Variants in PTGFRN observed in about 807,000 individuals in gnomAD.
The protein encoded by PTGFRN is prostaglandin F2 receptor inhibitor, also known as prostaglandin F2 receptor negative regulator.
A neutral mutation model predicts 83.2 loss-of-function variants in PTGFRN; 35 were observed. The observed-to-expected ratio is 0.42, with a 90% CI of 0.32 to 0.56. The LOEUF (loss-of-function observed/expected upper bound fraction) is 0.56, where lower values mean the gene tolerates loss of function less well. Among genes scored for constraint, PTGFRN ranks in the 20% least tolerant of loss-of-function variants. The probability of loss-of-function intolerance (pLI) is 0.11; values close to 1 mark genes in which losing one functional copy is unlikely to be tolerated. For synonymous variants in PTGFRN, 519 were observed against 498.6 expected (o/e 1.04, Z -0.55); for missense variants, 1,051 against 1,179.5 (o/e 0.89, Z 1.60).
At chr1:116,979,278 G>A (rs1410644215) in intron 7 of PTGFRN, among the ~76,000 whole-genome samples, 2 of 152,210 alleles carry the variant, frequency 1.3e-5, no homozygotes, top group Non-Finnish European at 2.9e-5. Flanking sequence ...TCAATATCAT[G>A]AAAATGGCCA....
chr1:116,983,426 T>G (rs572137523), intron 7 of PTGFRN, among the ~76,000 whole-genome samples: 7 of 147,298 alleles, frequency 4.8e-5, no homozygotes, highest in Non-Finnish European at 8.9e-5. Context: ...CTTGGCACTG[T>G]GAGAGCATGA....
Position 116,986,961 on chromosome 1 carries a change from G to A in PTGFRN, c.2634G>A (p.Met878Ile). 4 of 1,614,206 alleles carry A rather than the reference G, an allele frequency of 2.5e-6. No homozygotes were observed. The highest frequency in any genetic ancestry group is 1.3e-5 in the African/African-American group (1 of 75,078). The change falls in exon 9 of 9, where the codon ATG becomes ATA. Residue 878 changes from methionine (M) to isoleucine (I), a missense_variant. This residue lies in a region of PTGFRN where 719 missense variants were observed against 836.6 expected (regional missense o/e 0.86). Transcript: ENST00000393203. Reference sequence around the variant, plus strand: ...GCCGCAGGCTCATGTCGATGGAGATGGACTAGGCTGGCCCGGGAGGGGAGT... The same window carrying A: ...GCCGCAGGCTCATGTCGATGGAGATAGACTAGGCTGGCCCGGGAGGGGAGT... ...RERRRLMSME[M>I]D
chr1:116,917,298 A>G (rs955688045), intron 1 of PTGFRN, among the ~76,000 whole-genome samples: 2 of 145,104 alleles, frequency 1.4e-5, no homozygotes, highest in South Asian at 2.1e-4. Flanking sequence ...CGGCAGAACC[A>G]GATCAACTTA....
intron 1 of PTGFRN, among the ~76,000 whole-genome samples, chr1:116,914,576 C>T (rs910681419): frequency 2.6e-5 from 4 of 151,966 alleles, no homozygotes; most frequent in African/African-American, 7.3e-5. Flanking sequence ...CATAGTGAGA[C>T]CCCCATCTCT....
chr1:116,953,357 C>A, intron 4 of PTGFRN, among the ~76,000 whole-genome samples: 1 of 152,132 alleles, frequency 6.6e-6, no homozygotes, highest in South Asian at 2.1e-4. Context: ...TTAAGGATAA[C>A]TAATATCAGC....
At chr1:116,980,327 A>C (rs183769273) in intron 7 of PTGFRN, among the ~76,000 whole-genome samples, 2 of 152,322 alleles carry the variant, frequency 1.3e-5, no homozygotes, top group East Asian at 3.9e-4. Context: ...GGATCTAGAA[A>C]TAGAAATACC....
chr1:116,928,142 CAG>C (rs886429588), intron 1 of PTGFRN, among the ~76,000 whole-genome samples: 1 of 152,208 alleles, frequency 6.6e-6, no homozygotes, highest in African/African-American at 2.4e-5. Context: ...AACGAGGACT[CAG>C]AGAGTGCCTG....
chr1:116,923,743 A>G lies in PTGFRN; in HGVS notation c.49+13491A>G, dbSNP rs1649590780. On this transcript the variant is annotated intron_variant, in intron 1 of 8. Coordinates refer to ENST00000393203, the MANE Select transcript of PTGFRN (RefSeq NM_020440.4). The surrounding 1 kb of genome is among the most constrained non-coding windows in gnomAD (Gnocchi z 4.0). ...GCTTGTCATCACTGTTCTAGGGAGC[A>G]GCCCACACTGAGCCACATCTGAGCA... is the stretch of plus-strand genomic sequence containing the variant. 6.6e-6 allele frequency among the ~76,000 whole-genome samples: 1 copy of G among 152,184 alleles called. No homozygotes were observed. Among genetic ancestry groups the G allele is most frequent in the Non-Finnish European group, 1.5e-5 (1 of 68,034 alleles).
intron 1 of PTGFRN, among the ~76,000 whole-genome samples, chr1:116,914,208 A>G (rs1157299390): frequency 6.6e-6 from 1 of 152,232 alleles, no homozygotes; most frequent in African/African-American, 2.4e-5. Flanking sequence ...GGTAGTCGTC[A>G]TCACCATTCC....
intron 1 of PTGFRN, among the ~76,000 whole-genome samples, chr1:116,936,823 AACT>A (rs1167810654): frequency 6.6e-6 from 1 of 152,222 alleles, no homozygotes. Context: ...TTTATTGAAC[AACT>A]ACTATTTTAC....
intron 7 of PTGFRN, 32 bp downstream of exon 7, chr1:116,974,355 G>C: frequency 3.4e-6 from 5 of 1,475,092 alleles, no homozygotes; most frequent in Non-Finnish European, 4.7e-6. Flanking sequence ...CCTTCACCAT[G>C]TTGCTTTCTG....
intron 1 of PTGFRN, among the ~76,000 whole-genome samples, chr1:116,921,854 T>C (rs1275673627): frequency 2.0e-5 from 3 of 152,094 alleles, no homozygotes; most frequent in South Asian, 4.1e-4. Flanking sequence ...GCTGTTATTA[T>C]TGAAAAGTTC....
intron 4 of PTGFRN, among the ~76,000 whole-genome samples, chr1:116,954,119 A>T (rs143253114): frequency 1.3e-5 from 2 of 151,870 alleles, no homozygotes; most frequent in African/African-American, 4.8e-5. Flanking sequence ...CGGCCTCCCA[A>T]AGTGCTGGGA....
At chr1:116,985,267 G>A (rs1651430960) in intron 8 of PTGFRN, among the ~76,000 whole-genome samples, 2 of 152,150 alleles carry the variant, frequency 1.3e-5, no homozygotes, top group African/African-American at 2.4e-5. Context: ...ATAGAAACTC[G>A]CTTTATGGTG....
chr1:116,910,383 G>C (rs1649235783), intron 1 of PTGFRN, 131 bp downstream of exon 1: 8 of 813,434 alleles, frequency 9.8e-6, no homozygotes, highest in Non-Finnish European at 1.3e-5. Context: ...ACCCGGCCGG[G>C]GTGCGCGGGT....
In PTGFRN at chr1:116,941,920, G is replaced by A; in HGVS notation, c.255G>A (p.Glu85=). Residue 85 remains glutamate, a synonymous_variant, in exon 2 of 9, where the codon GAG becomes GAA. Transcript: ENST00000393203. This position sits in a 1 kb window ranked among gnomAD's most constrained non-coding sequence, Gnocchi z 5.0. ...EVGFPAQLYQ[E]RLQRGEILLR... ...GGTTCCCAGCCCAGCTGTACCAGGA[G>A]CGGCTGCAGAGGGGCGAGATCCTGT... 1.9e-6 allele frequency: 3 copies of A among 1,614,206 alleles called. No homozygotes were observed. The highest frequency in any genetic ancestry group is 1.1e-5 in the South Asian group (1 of 91,082).
intron 1 of PTGFRN, among the ~76,000 whole-genome samples, chr1:116,927,914 C>T (rs1004782724): frequency 6.6e-6 from 1 of 152,096 alleles, no homozygotes; most frequent in African/African-American, 2.4e-5. Flanking sequence ...AAGTCTTTGT[C>T]GCCTCCTTTC....
intron 1 of PTGFRN, among the ~76,000 whole-genome samples, chr1:116,927,207 A>G (rs1570647985): frequency 6.6e-6 from 1 of 152,192 alleles, no homozygotes; most frequent in African/African-American, 2.4e-5. Context: ...TCCATCTCCC[A>G]AATCTGACAT....
intron 1 of PTGFRN, among the ~76,000 whole-genome samples, chr1:116,928,470 C>T (rs772157635): frequency 1.3e-5 from 2 of 152,204 alleles, no homozygotes; most frequent in Non-Finnish European, 2.9e-5. Flanking sequence ...TTGTTAACAA[C>T]CTGGGACCCT....
Sources: gnomAD v4.1 joint callset for allele counts (sites outside exome capture counted in the v4.1 genomes callset) on GRCh38, gnomAD v4.1.1 for gene constraint, gnomAD v4.1.1 regional missense constraint, Gnocchi (gnomAD v3.1) non-coding constraint, MANE v1.5 for transcripts, NCBI Gene and HGNC (gene_info 2026-07-23, HGNC 2026-07-21) for gene names.